The following PVT1 variants were observed in gnomAD, a reference collection of about 807,000 sequenced individuals.
PVT1 encodes the protein Pvt1 oncogene.
chr8:127,847,545 A>C (rs1815049686), intron 2 of PVT1, among the ~76,000 whole-genome samples: 1 of 152,230 alleles, frequency 6.6e-6, no homozygotes, highest in Non-Finnish European at 1.5e-5. Context: ...TTCATGGAAC[A>C]TTTTTATAAA....
chr8:127,922,510 G>A (rs1816074276), intron 3 of PVT1, among the ~76,000 whole-genome samples: 1 of 152,164 alleles, frequency 6.6e-6, no homozygotes, highest in Admixed American at 6.5e-5. Flanking sequence ...AGCTCCTGCT[G>A]TTCCTTCTGC....
At chr8:127,954,026 G>A (rs539531310) in intron 3 of PVT1, among the ~76,000 whole-genome samples, 4 of 152,264 alleles carry the variant, frequency 2.6e-5, no homozygotes, top group East Asian at 1.9e-4. Flanking sequence ...ATTACTAGCA[G>A]TAAGGCACAA....
chr8:128,098,020 C>A (rs892567946), intron 6 of PVT1, among the ~76,000 whole-genome samples: 2 of 152,158 alleles, frequency 1.3e-5, no homozygotes, highest in Non-Finnish European at 2.9e-5. Flanking sequence ...CCCTCTGAGG[C>A]TGGACACATC....
intron 3 of PVT1, among the ~76,000 whole-genome samples, chr8:127,957,444 G>A (rs1312103145): frequency 7.9e-5 from 12 of 152,018 alleles, no homozygotes; most frequent in South Asian, 6.2e-4. Flanking sequence ...GTGCAAGCCT[G>A]TACCGTGCAG....
chr8:127,996,488 A>G (rs558282777), intron 4 of PVT1: 1 of 151,962 alleles, frequency 6.6e-6, no homozygotes, highest in South Asian at 2.1e-4. Context: ...AAATGAGGAC[A>G]TTGTCCTGTC....
intron 4 of PVT1, among the ~76,000 whole-genome samples, chr8:128,008,087 A>G (rs1376024003): frequency 1.3e-5 from 2 of 152,220 alleles, no homozygotes; most frequent in African/African-American, 4.8e-5. Flanking sequence ...GAAATTGGCC[A>G]TGTGACAATC....
chr8:127,919,375 T>C (rs1303482178), intron 3 of PVT1, among the ~76,000 whole-genome samples: 2 of 152,226 alleles, frequency 1.3e-5, no homozygotes, highest in Non-Finnish European at 2.9e-5. Flanking sequence ...AACAAAGCCA[T>C]TTCCTCTTCT....
At chr8:127,809,052 A>AAAAAAAAAAAAAAG (rs1554588311) in intron 2 of PVT1, among the ~76,000 whole-genome samples, 29 of 135,100 alleles carry the variant, frequency 2.1e-4, no homozygotes, top group East Asian at 6.6e-4. Flanking sequence ...AAAAAAAAAA[A>AAAAAAAAAAAAAAG]AAAGAAAGAA....
chr8:127,890,479 T>A (rs1815587028), intron 2 of PVT1: 1 of 152,274 alleles, frequency 6.6e-6, no homozygotes, highest in Non-Finnish European at 1.5e-5. Flanking sequence ...AGAATTATTT[T>A]TAGTGAGTTA....
chr8:127,814,899 C>A (rs150252135), intron 2 of PVT1, among the ~76,000 whole-genome samples: 2 of 152,150 alleles, frequency 1.3e-5, no homozygotes, highest in Non-Finnish European at 2.9e-5. Flanking sequence ...CCTAAGCATC[C>A]GTATAGGTGG....
chr8:127,980,726 C>T (rs1816873169), intron 3 of PVT1, among the ~76,000 whole-genome samples: 1 of 151,720 alleles, frequency 6.6e-6, no homozygotes, highest in Non-Finnish European at 1.5e-5. Context: ...AATGGAGGAA[C>T]CATTCTTTTG....
At chr8:128,000,299 T>G (rs1481597908) in intron 4 of PVT1, among the ~76,000 whole-genome samples, 2 of 152,084 alleles carry the variant, frequency 1.3e-5, no homozygotes, top group Non-Finnish European at 2.9e-5. Flanking sequence ...CGTCCCAAAC[T>G]CAATTGTCTG....
intron 4 of PVT1, among the ~76,000 whole-genome samples, chr8:128,065,850 G>A (rs77090237): frequency 0.013 from 2,054 of 152,336 alleles, 44 homozygotes; most frequent in African/African-American, 0.046. Context: ...TCCCTGCCCT[G>A]TGGAACCTTT....
chr8:128,027,604 G>C (rs1472571408), intron 4 of PVT1, among the ~76,000 whole-genome samples: 3 of 152,168 alleles, frequency 2.0e-5, no homozygotes, highest in Non-Finnish European at 4.4e-5. Context: ...TATGCTCTGT[G>C]CCATGTGACA....
At chr8:127,945,714 GT>G (rs1349145916) in intron 3 of PVT1, among the ~76,000 whole-genome samples, 3 of 152,202 alleles carry the variant, frequency 2.0e-5, no homozygotes, top group African/African-American at 7.2e-5. Context: ...CCACTGAGCA[GT>G]TTTTTCTGTC....
chr8:127,800,810 G>T lies in PVT1; in HGVS notation n.372+4739G>T, dbSNP rs148200129. Among the ~76,000 whole-genome samples the T allele has an allele frequency of 3.4e-3, 514 of 152,286 alleles. 3 individuals are homozygous for T. The Middle Eastern group carries it at 0.037, about 11-fold the overall frequency. ...CATGCTAGAGCTTAGGTTACAGCTG[G>T]GTTAGACAGATAAGGAACAGCAGAC... On this transcript the variant is annotated intron_variant and non_coding_transcript_variant, in intron 2 of 10. Transcript: ENST00000651587.
rs560887038 is a variant in PVT1 at position 127,974,772 on chromosome 8, C to T, written n.783-14390C>T. Among the ~76,000 whole-genome samples, 16 of 152,192 alleles carry T rather than the reference C, an allele frequency of 1.1e-4. No individual in the cohort carries two copies. The East Asian group carries it at 2.3e-3, about 22-fold the overall frequency. On this transcript the variant is annotated intron_variant and non_coding_transcript_variant, in intron 3 of 10. Transcript: ENST00000651587. Reference sequence around the variant, plus strand: ...GCATTGTATTTCCAAAGAATAGATACGGGTGAGAAAACAAAATCAGTAACT... The same window carrying T: ...GCATTGTATTTCCAAAGAATAGATATGGGTGAGAAAACAAAATCAGTAACT...
At chr8:127,945,749 T>C (rs556975105) in intron 3 of PVT1, among the ~76,000 whole-genome samples, 3 of 152,222 alleles carry the variant, frequency 2.0e-5, no homozygotes, top group Admixed American at 2.0e-4. Context: ...CAGGACTGAG[T>C]TCTTTGGAAA....
intron 2 of PVT1, among the ~76,000 whole-genome samples, chr8:127,883,637 TA>T (rs1199884307): frequency 1.3e-5 from 2 of 149,890 alleles, no homozygotes; most frequent in African/African-American, 2.5e-5. Context: ...AAAATAAAAT[TA>T]AAAAAATAAA....
Sources: gnomAD v4.1 joint callset for allele counts (sites outside exome capture counted in the v4.1 genomes callset) on GRCh38, gnomAD v4.1.1 for gene constraint, MANE v1.5 for transcripts, NCBI Gene and HGNC (gene_info 2026-07-23, HGNC 2026-07-21) for gene names.